Variants in IFT57 observed in about 807,000 individuals in gnomAD.
The protein encoded by IFT57 is intraflagellar transport 57.
A neutral mutation model predicts 56.8 loss-of-function variants in IFT57; 59 were observed. That is an observed-to-expected ratio of 1.04 (90% confidence interval 0.84 to 1.29). The LOEUF (loss-of-function observed/expected upper bound fraction) is 1.29. Ranked by LOEUF, IFT57 falls within the 50% of genes most tolerant of loss-of-function variation. The probability of loss-of-function intolerance (pLI) is 0.00; values close to 1 mark genes in which losing one functional copy is unlikely to be tolerated. For missense variants in IFT57, 470 were observed against 522.1 expected (o/e 0.90, Z 0.97); for synonymous variants, 209 against 186.1 (o/e 1.12, Z -1.00).
intron 6 of IFT57, among the ~76,000 whole-genome samples, chr3:108,174,897 T>C (rs1271666639): frequency 1.3e-5 from 2 of 151,838 alleles, no homozygotes; most frequent in Non-Finnish European, 2.9e-5. Flanking sequence ...AAAATAAATA[T>C]GTTATTGCAA....
At chr3:108,190,120 C>A (rs990698475) in intron 6 of IFT57, among the ~76,000 whole-genome samples, 2 of 152,074 alleles carry the variant, frequency 1.3e-5, no homozygotes, top group African/African-American at 4.8e-5. Flanking sequence ...TGGACCTGTG[C>A]AGTTCAAACC....
At chr3:108,202,769 A>G (rs942201639) in intron 5 of IFT57, among the ~76,000 whole-genome samples, 1 of 152,232 alleles carries the variant, frequency 6.6e-6, no homozygotes, top group Non-Finnish European at 1.5e-5. Context: ...ACACAGAATG[A>G]CTTTAAATAT....
intron 3 of IFT57, among the ~76,000 whole-genome samples, chr3:108,216,131 T>C (rs72935713): frequency 0.091 from 13,910 of 152,040 alleles, 695 homozygotes; most frequent in Middle Eastern, 0.12. Flanking sequence ...AATAAACAAA[T>C]GCGATTACAT....
chr3:108,195,681 A>G (rs2080240198), intron 5 of IFT57, among the ~76,000 whole-genome samples: 1 of 152,128 alleles, frequency 6.6e-6, no homozygotes, highest in African/African-American at 2.4e-5. Context: ...ACATGGATGG[A>G]ATTGGAGGTC....
intron 5 of IFT57, among the ~76,000 whole-genome samples, chr3:108,203,717 C>G (rs899191011): frequency 2.0e-5 from 3 of 152,138 alleles, no homozygotes; most frequent in African/African-American, 7.2e-5. Flanking sequence ...AGCTCCTGCT[C>G]CAGTGGAGTT....
intron 3 of IFT57, among the ~76,000 whole-genome samples, chr3:108,216,032 G>A (rs1196652674): frequency 6.6e-6 from 1 of 152,132 alleles, no homozygotes; most frequent in Non-Finnish European, 1.5e-5. Context: ...GAAACTACTA[G>A]AGGAAATGTG....
intron 1 of IFT57, chr3:108,221,905 A>C: frequency 9.6e-7 from 1 of 1,036,764 alleles, no homozygotes; most frequent in South Asian, 1.8e-5. Context: ...AAACTTATTT[A>C]TTCTCTCTAC....
At position 108,165,489 on chromosome 3, in the gene IFT57, T is replaced by C; in HGVS notation, c.986A>G (p.Lys329Arg). The change falls in exon 9 of 11, where the codon AAG (lysine) becomes AGG (arginine). Residue 329 changes from lysine (K) to arginine (R), a missense_variant. Coordinates refer to ENST00000264538, the MANE Select transcript of IFT57 (RefSeq NM_018010.4). ...TCCATTTCCCTGCTGGTATCGCTCCTTTGCCTGAGAGGAAAAACATTTTGT... is the reference window on the plus strand; with the variant it reads ...TCCATTTCCCTGCTGGTATCGCTCCCTTGCCTGAGAGGAAAAACATTTTGT... The part of the protein sequence containing the change: ...RAAQAQLSEA[K>R]ERYQQGNGGV... 6.2e-7 allele frequency: 1 copy of C among 1,612,288 alleles called. No individual in the cohort carries two copies. The highest frequency in any genetic ancestry group is 8.5e-7 in the Non-Finnish European group (1 of 1,178,686).
intron 5 of IFT57, among the ~76,000 whole-genome samples, 171 bp from the exon 6 acceptor site, chr3:108,191,814 C>A (rs2080216535): frequency 6.6e-6 from 1 of 151,964 alleles, no homozygotes; most frequent in Non-Finnish European, 1.5e-5. Flanking sequence ...AAATAATGCA[C>A]CAACCTGGTA....
chr3:108,204,024 G>T (rs889333780), intron 5 of IFT57, among the ~76,000 whole-genome samples: 4 of 152,104 alleles, frequency 2.6e-5, no homozygotes, highest in Non-Finnish European at 5.9e-5. Flanking sequence ...CCTCTGCATT[G>T]TGAGTCCACC....
At chr3:108,184,548 A>G (rs964726735) in intron 6 of IFT57, among the ~76,000 whole-genome samples, 1 of 152,166 alleles carries the variant, frequency 6.6e-6, no homozygotes, top group Non-Finnish European at 1.5e-5. Flanking sequence ...GTTAAAGATT[A>G]CCAAAATTTA....
intron 5 of IFT57, among the ~76,000 whole-genome samples, chr3:108,205,916 ATATT>A (rs1191644517): frequency 7.8e-6 from 1 of 128,192 alleles, no homozygotes; most frequent in Non-Finnish European, 1.6e-5. Flanking sequence ...ATATTAATAT[ATATT>A]ATTTATAATA....
At chr3:108,219,346 T>G (rs1254068794) in intron 2 of IFT57, 64 bp downstream of exon 2, 1 of 1,362,894 alleles carries the variant, frequency 7.3e-7, no homozygotes, top group Admixed American at 1.7e-5. Flanking sequence ...CATTTGTTAT[T>G]AAATTACCAG....
At chr3:108,200,365 C>A (rs891481273) in intron 5 of IFT57, among the ~76,000 whole-genome samples, 2 of 151,894 alleles carry the variant, frequency 1.3e-5, no homozygotes, top group Non-Finnish European at 2.9e-5. Context: ...GCAGCATCCA[C>A]GGGTCTTAAT....
At chr3:108,214,145 C>T in intron 3 of IFT57, 124 bp from the exon 4 acceptor site, 1 of 555,158 alleles carries the variant, frequency 1.8e-6, no homozygotes, top group Non-Finnish European at 3.1e-6. Context: ...TCCATAATCA[C>T]TGTTAAATGT....
intron 6 of IFT57, among the ~76,000 whole-genome samples, chr3:108,191,273 C>CCCT (rs1349601815): frequency 6.6e-6 from 1 of 151,980 alleles, no homozygotes; most frequent in African/African-American, 2.4e-5. Flanking sequence ...GAGAAAATAC[C>CCCT]CCTCAACACT....
intron 5 of IFT57, among the ~76,000 whole-genome samples, chr3:108,195,952 G>A (rs564118436): frequency 5.3e-5 from 8 of 151,976 alleles, no homozygotes; most frequent in African/African-American, 1.9e-4. Flanking sequence ...TATAATTAAC[G>A]GTAATGTATT....
intron 4 of IFT57, among the ~76,000 whole-genome samples, chr3:108,207,421 A>G (rs1270463145): frequency 3.3e-5 from 5 of 152,124 alleles, no homozygotes; most frequent in Admixed American, 2.6e-4. Flanking sequence ...CCTTTTCTTC[A>G]TATGTCTTTG....
At chr3:108,190,017 G>C (rs775047402) in intron 6 of IFT57, among the ~76,000 whole-genome samples, 2 of 152,130 alleles carry the variant, frequency 1.3e-5, no homozygotes, top group Non-Finnish European at 2.9e-5. Flanking sequence ...CTGTCTCAGA[G>C]GTGGCAGAGG....
Sources: gnomAD v4.1 joint callset for allele counts (sites outside exome capture counted in the v4.1 genomes callset) on GRCh38, gnomAD v4.1.1 for gene constraint, MANE v1.5 for transcripts, NCBI Gene and HGNC (gene_info 2026-07-23, HGNC 2026-07-21) for gene names.